NIT1: variants seen among roughly 807,000 people sequenced by gnomAD.
The protein encoded by NIT1 is nitrilase 1.
NIT1 carries 30 observed loss-of-function variants against 36.8 expected under a neutral mutation model. The ratio of observed to expected loss-of-function variants is 0.82; its 90% CI spans 0.61 to 1.11. NIT1 has a LOEUF of 1.11. Among genes scored for constraint, NIT1 ranks in the 50% least tolerant of loss-of-function variants. NIT1 has a pLI of 0.00. For synonymous variants in NIT1, 151 were observed against 155.6 expected, an observed-to-expected ratio of 0.97 and a Z score of 0.22; for missense variants, 438 against 410.6, an observed-to-expected ratio of 1.07 and a Z score of -0.58.
downstream of NIT1, chr1:161,123,201 C>T (rs375821148): frequency 6.2e-7 from 1 of 1,614,058 alleles, no homozygotes; most frequent in Non-Finnish European, 8.5e-7. Flanking sequence ...GGGCAACACA[C>T]CACAGGATAG....
At position 161,118,759 on chromosome 1, in the gene NIT1, G is replaced by A. The variant is rs752199434; in HGVS notation, c.3-27G>A. ...AAATTTATTGCTTGAAGAAGGGGTTGGTGTCCTCATATCTCACCTTCCTCA... is the reference window on the plus strand; with the variant it reads ...AAATTTATTGCTTGAAGAAGGGGTTAGTGTCCTCATATCTCACCTTCCTCA... On this transcript the variant is annotated intron_variant, in intron 1 of 6. Transcript: ENST00000368009. The A allele has an allele frequency of 1.2e-5, 19 of 1,543,744 alleles. No homozygotes were observed. In the Middle Eastern group the frequency reaches 6.7e-4, roughly 55 times the overall value.
chr1:161,124,157 G>C (rs769362055), downstream of NIT1: 1 of 1,613,528 alleles, frequency 6.2e-7, no homozygotes, highest in Non-Finnish European at 8.5e-7. Flanking sequence ...TCCTCTTGAG[G>C]GTGACGTAGG....
At chr1:161,120,348 A>G in intron 6 of NIT1, 116 bp downstream of exon 6, 3 of 1,475,566 alleles carry the variant, frequency 2.0e-6, no homozygotes, top group Non-Finnish European at 1.9e-6. Flanking sequence ...CATTCCCCAG[A>G]TATTTCTCTC....
intron 1 of NIT1, 63 bp from the exon 2 acceptor site, chr1:161,118,721 CAG>C (rs1655089584): frequency 2.0e-6 from 3 of 1,492,500 alleles, no homozygotes; most frequent in African/African-American, 1.4e-5. Flanking sequence ...AGAGAGAAGT[CAG>C]AGAATCCTAG....
chr1:161,120,298 C>A (rs537697442), intron 6 of NIT1, 66 bp downstream of exon 6: 25 of 1,583,322 alleles, frequency 1.6e-5, no homozygotes, highest in Admixed American at 8.6e-5. Flanking sequence ...CTTGGCCCTA[C>A]CAGTTAAATT....
chr1:161,120,307 T>C, intron 6 of NIT1, 75 bp downstream of exon 6: 6 of 1,560,356 alleles, frequency 3.8e-6, no homozygotes, highest in Non-Finnish European at 2.6e-6. Flanking sequence ...ACCAGTTAAA[T>C]TCCTTCCCCT....
downstream of NIT1, chr1:161,124,346 G>C (rs1250682142): frequency 1.2e-6 from 2 of 1,614,110 alleles, no homozygotes; most frequent in Admixed American, 1.7e-5. Flanking sequence ...GCACATCTCT[G>C]TGTGTCAGAT....
downstream of NIT1, chr1:161,122,428 A>G: frequency 6.2e-7 from 1 of 1,614,196 alleles, no homozygotes; most frequent in African/African-American, 1.3e-5. The surrounding 1 kb of genome is among the most constrained non-coding windows in gnomAD (Gnocchi z 4.2). Flanking sequence ...AAGCGCTCAA[A>G]CTGGCGCTCA....
intron 1 of NIT1, chr1:161,118,528 A>C: frequency 6.5e-7 from 1 of 1,536,222 alleles, no homozygotes; most frequent in Non-Finnish European, 8.7e-7. Context: ...AACGTTTGTC[A>C]GAGGAAAGAG....
At chr1:161,121,283 C>A, downstream of NIT1, 1 of 655,290 alleles carries the variant, frequency 1.5e-6, no homozygotes, top group Non-Finnish European at 1.9e-6. Flanking sequence ...TCACTTACAC[C>A]TATGATGCCC....
downstream of NIT1, chr1:161,123,288 G>T: frequency 1.4e-6 from 2 of 1,436,352 alleles, no homozygotes; most frequent in Non-Finnish European, 1.9e-6. Flanking sequence ...ACTTCTGTTG[G>T]AATGAGGAAG....
chr1:161,122,351 A>G (rs1655593206), downstream of NIT1: 4 of 1,614,252 alleles, frequency 2.5e-6, no homozygotes, highest in Non-Finnish European at 3.4e-6. The surrounding 1 kb of genome is among the most constrained non-coding windows in gnomAD (Gnocchi z 4.2). Context: ...AGGTGAGCTC[A>G]GAGAACTTGA....
downstream of NIT1, chr1:161,124,549 G>T (rs1487364114): frequency 6.6e-7 from 1 of 1,520,390 alleles, no homozygotes; most frequent in Non-Finnish European, 8.8e-7. Context: ...GGAAAGAACC[G>T]ATGAGACACT....
At chr1:161,118,208 C>A in intron 1 of NIT1, 30 bp downstream of exon 1, 4 of 1,614,044 alleles carry the variant, frequency 2.5e-6, no homozygotes, top group Non-Finnish European at 3.4e-6. Context: ...CCGTCGGCCG[C>A]GGTGAATCCC....
chr1:161,118,499 A>G, intron 1 of NIT1: 1 of 1,536,164 alleles, frequency 6.5e-7, no homozygotes, highest in Non-Finnish European at 8.7e-7. Flanking sequence ...GTTCCCGGAG[A>G]TGACTTTTGG....
Position 161,119,859 on chromosome 1 carries a change from C to CG in NIT1, c.499dup (p.Val167GlyfsTer11). The CG allele has an allele frequency of 6.2e-7, 1 of 1,612,264 alleles. No homozygotes were observed. The highest frequency in any genetic ancestry group is 8.5e-7 in the Non-Finnish European group (1 of 1,179,334). Reference sequence around the variant, plus strand: ...CTTACAGGAAGACACATCTGTGTGACGTAGAGATTCCAGGGCAGGGGCCTA... The same window carrying CG: ...CTTACAGGAAGACACATCTGTGTGACGGTAGAGATTCCAGGGCAGGGGCCTA... On this transcript the variant is annotated frameshift_variant, in exon 5 of 7. Coordinates refer to ENST00000368009, the MANE Select transcript of NIT1 (RefSeq NM_005600.3). LOFTEE classifies it high-confidence loss of function.
At chr1:161,119,037 G>C (rs1655123396) in intron 2 of NIT1, 97 bp from the exon 3 acceptor site, 6 of 1,493,674 alleles carry the variant, frequency 4.0e-6, no homozygotes, top group Admixed American at 1.7e-5. Context: ...TGATCAAAAG[G>C]AAGTCCAGCT....
chr1:161,121,285 A>G (rs989113691), downstream of NIT1: 2 of 654,212 alleles, frequency 3.1e-6, no homozygotes, highest in South Asian at 6.5e-5. Context: ...ACTTACACCT[A>G]TGATGCCCTT....
chr1:161,118,914 C>A, intron 2 of NIT1, 33 bp downstream of exon 2: 1 of 1,500,084 alleles, frequency 6.7e-7, no homozygotes, highest in Non-Finnish European at 9.3e-7. Flanking sequence ...CAGTGCCTGG[C>A]ACTTAGATGC....
Sources: allele counts gnomAD v4.1 joint callset, GRCh38; gene constraint gnomAD v4.1.1; non-coding constraint Gnocchi (gnomAD v3.1); transcripts MANE v1.5; gene names NCBI Gene and HGNC (gene_info 2026-07-23, HGNC 2026-07-21).